ZNF740: variants seen among roughly 807,000 people sequenced by gnomAD.
ZNF740 encodes the protein zinc finger protein 740, also known as oriLyt TD-element-binding protein 7.
ZNF740 carries 14 observed loss-of-function variants against 24.8 expected under a neutral mutation model. That is an observed-to-expected ratio of 0.56 (90% CI 0.37 to 0.88). ZNF740 has a LOEUF of 0.88. Ranked by LOEUF, ZNF740 falls within the 40% of genes least tolerant of loss-of-function variation. ZNF740 has a pLI of 0.00. For missense variants in ZNF740, 201 were observed against 247.9 expected (o/e 0.81, Z 1.27); for synonymous variants, 69 against 84.0 (o/e 0.82, Z 0.98).
rs950994070 is a variant in ZNF740 at position 53,181,796 on chromosome 12, C to T, written c.-188C>T. 7.0e-6 allele frequency: 5 copies of T among 710,624 alleles called. No homozygotes were observed. In the South Asian group the frequency reaches 8.0e-5, roughly 11 times the overall value. 44.0% of individuals were successfully genotyped at this position (710,624 alleles called of 1,614,324 possible). A position where few individuals can be genotyped will look rare whatever the true frequency, so the allele number is the denominator to read the frequency against. Reference sequence around the variant, plus strand: ...AGGCAGAGTCCAGGGATTCTTGGAACACCTATCTTTTCTTCGGAGGACACT... The same window carrying T: ...AGGCAGAGTCCAGGGATTCTTGGAATACCTATCTTTTCTTCGGAGGACACT... On this transcript the variant is annotated 5_prime_UTR_variant, in exon 2 of 7. Coordinates refer to ENST00000416904, the MANE Select transcript of ZNF740 (RefSeq NM_001004304.4).
Position 53,191,452 on chromosome 12 carries a change from G to C in ZNF740, c.*3862G>C. 4 of 914,558 alleles carry C rather than the reference G, an allele frequency of 4.4e-6. No homozygotes were observed. The highest frequency in any genetic ancestry group is 7.3e-6 in the Non-Finnish European group (4 of 547,766). 56.7% of individuals were successfully genotyped at this position (914,558 alleles called of 1,614,324 possible). Reference sequence around the variant, plus strand: ...AGGGTGGTGGCCGCACCTCGCCAGTGAATTAGTCCCCTACCAAGGTCTTAC... The same window carrying C: ...AGGGTGGTGGCCGCACCTCGCCAGTCAATTAGTCCCCTACCAAGGTCTTAC... On this transcript the variant is annotated 3_prime_UTR_variant, in exon 7 of 7. Transcript: ENST00000416904.
At position 53,191,376 on chromosome 12, in the gene ZNF740, G is replaced by A; in HGVS notation, c.*3786G>A. 1 of 625,046 alleles carries A rather than the reference G, an allele frequency of 1.6e-6. No homozygotes were observed. Among genetic ancestry groups the A allele is most frequent in the Admixed American group, 2.5e-5 (1 of 40,634 alleles). 38.7% of individuals were successfully genotyped at this position (625,046 alleles called of 1,614,324 possible). A position where few individuals can be genotyped will look rare whatever the true frequency, so the allele number is the denominator to read the frequency against. The stretch of plus-strand genomic sequence containing the variant: ...GGTGGGGTAGCCCAGATGGATGCAA[G>A]GTTGCAGGCATGGGAAGCAGCCCTC... On this transcript the variant is annotated 3_prime_UTR_variant, in exon 7 of 7. Coordinates refer to ENST00000416904, the MANE Select transcript of ZNF740 (RefSeq NM_001004304.4).
chr12:53,187,419 C>A (rs1941845093), intron 6 of ZNF740, 82 bp from the exon 7 acceptor site: 1 of 1,130,664 alleles, frequency 8.8e-7, no homozygotes, highest in Non-Finnish European at 1.3e-6. Context: ...AATGTGGTAT[C>A]TGCCTCCTGT....
chr12:53,184,748 G>A (rs1941790143), intron 2 of ZNF740, 143 bp from the exon 3 acceptor site: 1 of 932,864 alleles, frequency 1.1e-6, no homozygotes, highest in South Asian at 1.6e-5. Flanking sequence ...CTTGAAGGAA[G>A]CAAGGCTTTG....
At position 53,186,054 on chromosome 12, in the gene ZNF740, A is replaced by G. The variant is rs757567101; in HGVS notation, c.350A>G (p.Lys117Arg). ...GCCTTTCGGAGCAGTTACCACCTAAAGAGGCACATCCTTATTCACACTGGT... is the reference window on the plus strand; with the variant it reads ...GCCTTTCGGAGCAGTTACCACCTAAGGAGGCACATCCTTATTCACACTGGT... ...FGAFRSSYHLKRHILIHTGEK... is the reference protein window; with the variant it reads ...FGAFRSSYHLRRHILIHTGEK... The change falls in exon 5 of 7, where the codon AAG becomes AGG. Residue 117 changes from lysine (K) to arginine (R), a missense_variant. Coordinates refer to ENST00000416904, the MANE Select transcript of ZNF740 (RefSeq NM_001004304.4). 4 of 1,613,970 alleles carry G rather than the reference A, an allele frequency of 2.5e-6. No homozygotes were observed. The South Asian group carries it at 3.3e-5, about 13-fold the overall frequency.
chr12:53,184,137 G>GTA (rs1941766772), intron 2 of ZNF740, among the ~76,000 whole-genome samples: 1 of 131,084 alleles, frequency 7.6e-6, no homozygotes, highest in African/African-American at 3.4e-5. Context: ...GTGTGTGTGT[G>GTA]TGTGTGTGTG....
In ZNF740 at chr12:53,192,611, G is replaced by A; in HGVS notation, c.*5021G>A. On this transcript the variant is annotated 3_prime_UTR_variant, in exon 7 of 7. Transcript: ENST00000416904. ...ATGCCCCTTGCCCAACTACAAGCAG[G>A]ACGGAGAGTAGGCAGATGGGAGTAG... is the stretch of plus-strand genomic sequence containing the variant. The A allele has an allele frequency of 6.3e-7, 1 of 1,598,078 alleles. No individual in the cohort carries two copies. Among genetic ancestry groups the A allele is most frequent in the Non-Finnish European group, 8.6e-7 (1 of 1,167,898 alleles).
At position 53,193,403 on chromosome 12, in the gene ZNF740, T is replaced by A. The variant is rs1208062834; in HGVS notation, c.*5813T>A. On this transcript the variant is annotated 3_prime_UTR_variant, in exon 7 of 7. Transcript: ENST00000416904. ...CAAAGGAGAGAAGTAGGTCAGAGGG[T>A]TTGATCACCCCTGACTTGTCTCTCC... The A allele has an allele frequency of 2.1e-6, 3 of 1,415,846 alleles. No homozygotes were observed. In the African/African-American group the frequency reaches 4.3e-5, roughly 20 times the overall value. 87.7% of individuals were successfully genotyped at this position (1,415,846 alleles called of 1,614,324 possible).
At chr12:53,183,843 G>T (rs1022082932) in intron 2 of ZNF740, among the ~76,000 whole-genome samples, 1 of 152,024 alleles carries the variant, frequency 6.6e-6, no homozygotes, top group Non-Finnish European at 1.5e-5. Context: ...AGGCAACATG[G>T]TGAAACCCCG....
In ZNF740 at chr12:53,191,504, GTTCCCACTGTCCTCCAAGGA is replaced by G. The variant is rs1941941104; in HGVS notation, c.*3915_*3934del. The G allele has an allele frequency of 7.0e-7, 1 of 1,427,740 alleles. No individual in the cohort carries two copies. Among genetic ancestry groups the G allele is most frequent in the East Asian group, 2.3e-5 (1 of 43,966 alleles). 88.4% of individuals were successfully genotyped at this position (1,427,740 alleles called of 1,614,324 possible). A position where few individuals can be genotyped will look rare whatever the true frequency, so the allele number is the denominator to read the frequency against. ...GACCCACCCTTCCTCTCACCCTCCA[GTTCCCACTGTCCTCCAAGGA>G]GAAGAGCCTTGGGTAAGTGTCCCTC... is the stretch of plus-strand genomic sequence containing the variant. On this transcript the variant is annotated 3_prime_UTR_variant, in exon 7 of 7. Coordinates refer to ENST00000416904, the MANE Select transcript of ZNF740 (RefSeq NM_001004304.4).
chr12:53,181,003 A>G, intron 1 of ZNF740, 166 bp downstream of exon 1: 1 of 847,396 alleles, frequency 1.2e-6, no homozygotes. Context: ...CCGTGCGCGC[A>G]CACCGCCCCC....
chr12:53,194,918 T>C lies in ZNF740; in HGVS notation c.*7328T>C, dbSNP rs1318446853. The C allele has an allele frequency of 5.8e-6, 1 of 173,580 alleles. No homozygotes were observed. The highest frequency in any genetic ancestry group is 2.4e-5 in the African/African-American group (1 of 42,074). 10.8% of individuals were successfully genotyped at this position (173,580 alleles called of 1,614,324 possible). A position where few individuals can be genotyped will look rare whatever the true frequency, so the allele number is the denominator to read the frequency against. On this transcript the variant is annotated 3_prime_UTR_variant, in exon 7 of 7. Coordinates refer to ENST00000416904, the MANE Select transcript of ZNF740 (RefSeq NM_001004304.4). The stretch of plus-strand genomic sequence containing the variant: ...TGAAAGCAGGCTCCAGATCTCACAT[T>C]GTTTATGTACAGACTGACTGGGGAC...
In ZNF740 at chr12:53,191,953, C is replaced by G. The variant is rs367877432; in HGVS notation, c.*4363C>G. 8 of 1,611,756 alleles carry G rather than the reference C, an allele frequency of 5.0e-6. No individual in the cohort carries two copies. Among genetic ancestry groups the G allele is most frequent in the African/African-American group, 2.7e-5 (2 of 74,880 alleles). On this transcript the variant is annotated 3_prime_UTR_variant, in exon 7 of 7. Coordinates refer to ENST00000416904, the MANE Select transcript of ZNF740 (RefSeq NM_001004304.4). ...CGAGAGCCGGTAAGCCAGGACCAGC[C>G]CCAGCCCCACTGCCACGATGCCCCC...
In ZNF740 at chr12:53,191,410, C is replaced by T; in HGVS notation, c.*3820C>T. ...CATGGGAAGCAGCCCTCTTGGGTGT[C>T]ACTCTGAAAATGAAGTAGGGTGGTG... is the stretch of plus-strand genomic sequence containing the variant. On this transcript the variant is annotated 3_prime_UTR_variant, in exon 7 of 7. Coordinates refer to ENST00000416904, the MANE Select transcript of ZNF740 (RefSeq NM_001004304.4). 1.4e-6 allele frequency: 1 copy of T among 694,358 alleles called. No homozygotes were observed. Among genetic ancestry groups the T allele is most frequent in the East Asian group, 2.6e-5 (1 of 38,022 alleles). The allele number at this position is 694,358 out of a possible 1,614,324, so 43.0% of individuals were successfully genotyped here. A position where few individuals can be genotyped will look rare whatever the true frequency, so the allele number is the denominator to read the frequency against.
chr12:53,189,899 G>A lies in ZNF740; in HGVS notation c.*2309G>A, dbSNP rs1483668258. 3 of 152,260 alleles carry A rather than the reference G, an allele frequency of 2.0e-5. No individual in the cohort carries two copies. The South Asian group carries it at 6.2e-4, about 32-fold the overall frequency. The allele number at this position is 152,260 out of a possible 1,614,324, so 9.4% of individuals were successfully genotyped here. Reference sequence around the variant, plus strand: ...CTGCCACTTACAGCTAGTCTCTTTGGGATAGGGGTGTATGTGGAGAGATTC... The same window carrying A: ...CTGCCACTTACAGCTAGTCTCTTTGAGATAGGGGTGTATGTGGAGAGATTC... On this transcript the variant is annotated 3_prime_UTR_variant, in exon 7 of 7. Coordinates refer to ENST00000416904, the MANE Select transcript of ZNF740 (RefSeq NM_001004304.4).
At chr12:53,183,764 C>T (rs906393976) in intron 2 of ZNF740, among the ~76,000 whole-genome samples, 1 of 152,084 alleles carries the variant, frequency 6.6e-6, no homozygotes, top group Non-Finnish European at 1.5e-5. Context: ...GAGAAATAGC[C>T]TGTAGTCCCA....
In ZNF740 at chr12:53,181,934, T is replaced by G. The variant is rs1202489092; in HGVS notation, c.-50T>G. 2 of 1,594,546 alleles carry G rather than the reference T, an allele frequency of 1.3e-6. No homozygotes were observed. The highest frequency in any genetic ancestry group is 4.5e-5 in the East Asian group (2 of 44,414). On this transcript the variant is annotated 5_prime_UTR_variant, in exon 2 of 7. Transcript: ENST00000416904. ...AAAACGACAGTGTCTCAAGGAAAGGTGGACCTAGGAACTCCTGAACTTTTG... is the reference window on the plus strand; with the variant it reads ...AAAACGACAGTGTCTCAAGGAAAGGGGGACCTAGGAACTCCTGAACTTTTG...
In ZNF740 at chr12:53,194,193, C is replaced by T; in HGVS notation, c.*6603C>T. ...CGCCTTCTGCCTGTGCTTGCTGGCT[C>T]TCACCGTCTGGTTGATTCGGACGTG... is the stretch of plus-strand genomic sequence containing the variant. On this transcript the variant is annotated 3_prime_UTR_variant, in exon 7 of 7. Transcript: ENST00000416904. The T allele has an allele frequency of 1.2e-6, 2 of 1,614,056 alleles. No homozygotes were observed. The highest frequency in any genetic ancestry group is 1.7e-6 in the Non-Finnish European group (2 of 1,179,990).
intron 2 of ZNF740, among the ~76,000 whole-genome samples, chr12:53,183,982 C>T (rs1268052788): frequency 6.6e-6 from 1 of 151,596 alleles, no homozygotes; most frequent in Non-Finnish European, 1.5e-5. Context: ...CGAGATCGTG[C>T]CACTGCACTC....
Sources: gnomAD v4.1 joint callset for allele counts (sites outside exome capture counted in the v4.1 genomes callset) on GRCh38, gnomAD v4.1.1 for gene constraint, MANE v1.5 for transcripts, NCBI Gene and HGNC (gene_info 2026-07-23, HGNC 2026-07-21) for gene names.